CDC42BPB: variants seen among roughly 807,000 people sequenced by gnomAD.
CDC42BPB encodes serine/threonine-protein kinase MRCK beta.
In CDC42BPB, 37 loss-of-function variants were observed where a neutral mutation model predicts 214.9. That is an observed-to-expected ratio of 0.17 (90% CI 0.13 to 0.23). CDC42BPB has a LOEUF of 0.23. CDC42BPB is among the 10% of genes least tolerant of loss of function. The pLI is 1.00. For synonymous variants in CDC42BPB, 931 were observed against 884.0 expected, an observed-to-expected ratio of 1.05 and a Z score of -0.94; for missense variants, 1,694 against 2,227.0, an observed-to-expected ratio of 0.76 and a Z score of 4.82.
chr14:102,983,419 C>T, intron 7 of CDC42BPB, 137 bp downstream of exon 7: 1 of 1,329,794 alleles, frequency 7.5e-7, no homozygotes, highest in Non-Finnish European at 1.0e-6. Context: ...TGCCTGTCCC[C>T]AGTTTGGTCC....
chr14:103,035,243 G>C (rs1180975248), intron 1 of CDC42BPB, among the ~76,000 whole-genome samples: 1 of 152,020 alleles, frequency 6.6e-6, no homozygotes, highest in Non-Finnish European at 1.5e-5. Flanking sequence ...TTTTAGTAGA[G>C]ACGGGGTTTC....
Position 103,015,570 on chromosome 14 carries a change from G to A in CDC42BPB, c.176-3382C>T, listed in dbSNP as rs118174714. On this transcript the variant is annotated intron_variant, in intron 1 of 36. Transcript: ENST00000361246. ...CCGCATCACAGTAGCAGAGCACCCT[G>A]CTAACCACACAGGTACTGAGAGCAG... 2.8e-3 allele frequency among the ~76,000 whole-genome samples: 425 copies of A among 152,326 alleles called. 9 individuals are homozygous for A. In the East Asian group the frequency reaches 0.052, roughly 19 times the overall value.
chr14:102,986,775 T>G, intron 5 of CDC42BPB, 195 bp from the exon 6 acceptor site: 2 of 971,164 alleles, frequency 2.1e-6, no homozygotes, highest in Non-Finnish European at 2.4e-6. Context: ...TGCCCCTCGT[T>G]TAGTCCCCAG....
At chr14:102,947,922 G>A (rs952465945) in intron 26 of CDC42BPB, 120 bp from the exon 27 acceptor site, 18 of 1,553,232 alleles carry the variant, frequency 1.2e-5, no homozygotes, top group African/African-American at 4.1e-5. Flanking sequence ...GCAGTGGAGG[G>A]CGGGTCCCTC....
intron 30 of CDC42BPB, chr14:102,940,569 A>C: frequency 1.9e-6 from 2 of 1,049,784 alleles, no homozygotes; most frequent in East Asian, 5.6e-5. Flanking sequence ...TTTGAATACT[A>C]CAGTACAGAT....
Position 102,940,149 on chromosome 14 carries a change from A to G in CDC42BPB, c.4507-19T>C, listed in dbSNP as rs1891825682. 3 of 1,614,046 alleles carry G rather than the reference A, an allele frequency of 1.9e-6. No homozygotes were observed. The African/African-American group carries it at 4.0e-5, about 22-fold the overall frequency. On this transcript the variant is annotated intron_variant, in intron 31 of 36. Transcript: ENST00000361246. ...GCCTTATCTGGATTGGAAACCAGGGAGGGACAGTAAGCGCGGCCACGCACA... is the reference window on the plus strand; with the variant it reads ...GCCTTATCTGGATTGGAAACCAGGGGGGGACAGTAAGCGCGGCCACGCACA...
chr14:102,934,139 G>C, intron 36 of CDC42BPB: 1 of 663,522 alleles, frequency 1.5e-6, no homozygotes, highest in Non-Finnish European at 2.0e-6. Context: ...GCTCCTGCCT[G>C]TAATCCCAGC....
intron 1 of CDC42BPB, among the ~76,000 whole-genome samples, chr14:103,016,008 G>A (rs925012705): frequency 5.9e-5 from 9 of 152,090 alleles, no homozygotes; most frequent in South Asian, 4.2e-4. Context: ...GAGCCACTGC[G>A]CCCGGCCGAG....
intron 1 of CDC42BPB, among the ~76,000 whole-genome samples, chr14:103,041,261 T>C (rs1025987231): frequency 1.3e-5 from 2 of 152,204 alleles, no homozygotes; most frequent in African/African-American, 2.4e-5. Flanking sequence ...CCTCGTATCA[T>C]AGCAAAAATT....
At chr14:102,969,650 C>T (rs900033589) in intron 14 of CDC42BPB, among the ~76,000 whole-genome samples, 2 of 152,236 alleles carry the variant, frequency 1.3e-5, no homozygotes, top group African/African-American at 2.4e-5. Context: ...GATCCGCCTC[C>T]GGCCCCTTGC....
chr14:102,965,843 C>T (rs974839907), intron 18 of CDC42BPB, among the ~76,000 whole-genome samples: 3 of 152,300 alleles, frequency 2.0e-5, no homozygotes, highest in South Asian at 2.1e-4. Context: ...GTAATCCCAG[C>T]TACTCGGGGG....
At chr14:102,998,353 T>C (rs1894833169) in intron 5 of CDC42BPB, among the ~76,000 whole-genome samples, 1 of 152,212 alleles carries the variant, frequency 6.6e-6, no homozygotes, top group Non-Finnish European at 1.5e-5. Flanking sequence ...AAAATAATTT[T>C]ACAAATTTAC....
chr14:102,976,117 CT>C (rs1893731403), intron 9 of CDC42BPB, 68 bp from the exon 10 acceptor site: 1 of 1,579,222 alleles, frequency 6.3e-7, no homozygotes, highest in South Asian at 1.2e-5. Flanking sequence ...CATTTTCAAT[CT>C]TCCTGAGGTG....
At chr14:102,939,013 T>C (rs1891766519) in intron 34 of CDC42BPB, among the ~76,000 whole-genome samples, 2 of 151,498 alleles carry the variant, frequency 1.3e-5, no homozygotes, top group Admixed American at 1.3e-4. Context: ...CTCGGCTCAC[T>C]GCAAGCTCCG....
At chr14:102,969,624 G>A (rs904249667) in intron 14 of CDC42BPB, among the ~76,000 whole-genome samples, 11 of 152,188 alleles carry the variant, frequency 7.2e-5, no homozygotes, top group Non-Finnish European at 1.6e-4. Context: ...TCCAGGCCAC[G>A]CCATACTGCC....
intron 1 of CDC42BPB, among the ~76,000 whole-genome samples, chr14:103,019,542 C>A (rs1347565093): frequency 6.6e-6 from 1 of 152,222 alleles, no homozygotes; most frequent in African/African-American, 2.4e-5. Flanking sequence ...TGACAGGACT[C>A]CTTCAGCACA....
At chr14:103,046,921 G>C (rs1888322064) in intron 1 of CDC42BPB, among the ~76,000 whole-genome samples, 1 of 151,806 alleles carries the variant, frequency 6.6e-6, no homozygotes, top group Admixed American at 6.5e-5. Flanking sequence ...AAAGTGCTGG[G>C]ATTACAGGCA....
chr14:102,998,916 G>C (rs1021187979), intron 5 of CDC42BPB, among the ~76,000 whole-genome samples: 11 of 150,720 alleles, frequency 7.3e-5, no homozygotes, highest in African/African-American at 2.7e-4. Flanking sequence ...TTTAGGGAGG[G>C]GGTCTTGGGC....
rs1566865311 is a variant in CDC42BPB, at chr14:102,967,038, G to GCA, written c.2471+6_2471+7dup. The GCA allele has an allele frequency of 6.2e-7, 1 of 1,613,210 alleles. No individual in the cohort carries two copies. Among genetic ancestry groups the GCA allele is most frequent in the Admixed American group, 1.7e-5 (1 of 60,014 alleles). On this transcript the variant is annotated splice_region_variant and intron_variant, in intron 17 of 36. Coordinates refer to ENST00000361246, the MANE Select transcript of CDC42BPB (RefSeq NM_006035.4). ...GATTCACGGCCGCTAATGGGGCCGC[G>GCA]CACGTACCACTGAATGATTTCCGCA...
Sources: allele counts gnomAD v4.1 joint callset (sites outside exome capture counted in the v4.1 genomes callset), GRCh38; gene constraint gnomAD v4.1.1; transcripts MANE v1.5; gene names NCBI Gene and HGNC (gene_info 2026-07-23, HGNC 2026-07-21).